PCDH17: variants seen among roughly 807,000 people sequenced by gnomAD.
PCDH17 encodes protocadherin-17.
A neutral mutation model predicts 67.7 loss-of-function variants in PCDH17; 21 were observed. The ratio of observed to expected loss-of-function variants is 0.31; its 90% confidence interval spans 0.22 to 0.45. The LOEUF is 0.45. PCDH17 is among the 20% of genes least tolerant of loss of function. PCDH17 has a pLI of 1.00. For synonymous variants in PCDH17, 701 were observed against 656.7 expected, an observed-to-expected ratio of 1.07 and a Z score of -1.03; for missense variants, 1,471 against 1,564.8, an observed-to-expected ratio of 0.94 and a Z score of 1.01.
chr13:57,644,749 A>G (rs1954945658), intron 1 of PCDH17, among the ~76,000 whole-genome samples: 2 of 151,696 alleles, frequency 1.3e-5, no homozygotes, highest in South Asian at 4.1e-4. Context: ...ATCTCTAGAA[A>G]TAAAGATCCA....
intron 3 of PCDH17, among the ~76,000 whole-genome samples, chr13:57,719,598 C>A (rs376330657): frequency 2.6e-5 from 4 of 152,122 alleles, no homozygotes; most frequent in African/African-American, 9.6e-5. Flanking sequence ...TTTATGCTCT[C>A]TAAAATTTCC....
chr13:57,638,040 A>C (rs1011760477), intron 1 of PCDH17, among the ~76,000 whole-genome samples: 6 of 152,198 alleles, frequency 3.9e-5, no homozygotes, highest in African/African-American at 1.4e-4. Context: ...TTTAAACAAT[A>C]GATTAGCAAC....
rs151242806 is a variant in PCDH17 at position 57,634,136 on chromosome 13, G to C, written c.1590G>C (p.Thr530=). 2.0e-3 allele frequency: 3,221 copies of C among 1,613,620 alleles called. 51 individuals carry two copies. Among genetic ancestry groups the C allele is most frequent in the East Asian group, 1.1e-3 (48 of 44,816 alleles). The change falls in exon 1 of 4, where the codon ACG becomes ACC. Residue 530 remains threonine, a synonymous_variant. Coordinates refer to ENST00000377918, the MANE Select transcript of PCDH17 (RefSeq NM_001040429.3). The surrounding 1 kb of genome is among the most constrained non-coding windows in gnomAD (Gnocchi z 7.8). ...ACACCTATGTGTCTGTGAATCCCAC[G>C]AACGGGGCCATCTACGCCCTGCGCT... is the stretch of plus-strand genomic sequence containing the variant. ...SIYTYVSVNP[T]NGAIYALRSF...
At chr13:57,664,535 G>A (rs1955226026) in intron 1 of PCDH17, among the ~76,000 whole-genome samples, 2 of 152,074 alleles carry the variant, frequency 1.3e-5, no homozygotes, top group Non-Finnish European at 2.9e-5. Context: ...TAAACGAATA[G>A]GGATCCACAT....
intron 3 of PCDH17, among the ~76,000 whole-genome samples, chr13:57,714,682 T>A (rs1955803139): frequency 6.6e-6 from 1 of 151,738 alleles, no homozygotes; most frequent in Admixed American, 6.6e-5. Flanking sequence ...GGTTTCTCAC[T>A]GCATATAAAT....
chr13:57,688,488 T>C (rs1333374442), intron 3 of PCDH17, among the ~76,000 whole-genome samples: 1 of 152,050 alleles, frequency 6.6e-6, no homozygotes, highest in Non-Finnish European at 1.5e-5. Context: ...TTAATGGCTA[T>C]TTTCATTAAA....
intron 3 of PCDH17, among the ~76,000 whole-genome samples, chr13:57,701,483 C>G (rs1955662365): frequency 6.6e-6 from 1 of 151,990 alleles, no homozygotes; most frequent in Admixed American, 6.6e-5. Flanking sequence ...TACTTGTGGG[C>G]CTTCCAACAA....
At chr13:57,675,756 T>G (rs1339282402) in intron 3 of PCDH17, among the ~76,000 whole-genome samples, 1 of 151,908 alleles carries the variant, frequency 6.6e-6, no homozygotes, top group Non-Finnish European at 1.5e-5. Context: ...GGAAGCCCAG[T>G]GATGCAAAGC....
chr13:57,713,993 C>T (rs1240951924), intron 3 of PCDH17, among the ~76,000 whole-genome samples: 1 of 151,562 alleles, frequency 6.6e-6, no homozygotes, highest in Non-Finnish European at 1.5e-5. Context: ...ACAAAGGAAA[C>T]TTTAGACCTA....
chr13:57,682,893 T>C (rs61961870), intron 3 of PCDH17, among the ~76,000 whole-genome samples: 7,748 of 151,970 alleles, frequency 0.051, 258 homozygotes, highest in Middle Eastern at 0.095. Context: ...TTAAAGTCAG[T>C]AGCAGATACA....
chr13:57,675,065 A>G (rs960298903), intron 3 of PCDH17, among the ~76,000 whole-genome samples: 1 of 151,918 alleles, frequency 6.6e-6, no homozygotes, highest in Non-Finnish European at 1.5e-5. Flanking sequence ...CCAAATAGGC[A>G]CATCATATCT....
At chr13:57,693,111 T>C (rs1955573895) in intron 3 of PCDH17, among the ~76,000 whole-genome samples, 1 of 150,464 alleles carries the variant, frequency 6.6e-6, no homozygotes. Flanking sequence ...GATATGCCTG[T>C]TGTCAAGATT....
intron 1 of PCDH17, among the ~76,000 whole-genome samples, chr13:57,657,474 G>A (rs1955120826): frequency 6.6e-6 from 1 of 152,178 alleles, no homozygotes; most frequent in Non-Finnish European, 1.5e-5. Context: ...ATAACTTTAT[G>A]AGTGGTGGCT....
chr13:57,705,868 A>T (rs997385604), intron 3 of PCDH17, among the ~76,000 whole-genome samples: 2 of 152,028 alleles, frequency 1.3e-5, no homozygotes, highest in African/African-American at 4.8e-5. Context: ...ATACAAAATT[A>T]GCTGGGTGTG....
Position 57,640,630 on chromosome 13 carries a change from G to T in PCDH17, c.2565+5519G>T, listed in dbSNP as rs74805662. Among the ~76,000 whole-genome samples the T allele has an allele frequency of 1.6e-4, 25 of 152,106 alleles. No individual in the cohort carries two copies. The East Asian group carries it at 4.2e-3, about 26-fold the overall frequency. On this transcript the variant is annotated intron_variant, in intron 1 of 3. Coordinates refer to ENST00000377918, the MANE Select transcript of PCDH17 (RefSeq NM_001040429.3). ...CTAGAGCGGGGGGACTTAACACGTG[G>T]CCTTCAGTGGGCAATAGGTTGAAGC...
chr13:57,689,831 C>T (rs1269275138), intron 3 of PCDH17, among the ~76,000 whole-genome samples: 1 of 151,672 alleles, frequency 6.6e-6, no homozygotes, highest in Non-Finnish European at 1.5e-5. Flanking sequence ...TACCTCTATT[C>T]TGGGAAAAAA....
intron 3 of PCDH17, among the ~76,000 whole-genome samples, chr13:57,693,202 G>A (rs1206648293): frequency 1.5e-4 from 8 of 54,356 alleles, no homozygotes; most frequent in Non-Finnish European, 2.4e-4. Context: ...ACACCTGAAT[G>A]CAGACCAACA....
chr13:57,687,930 A>G (rs1257607194), intron 3 of PCDH17, among the ~76,000 whole-genome samples: 3 of 152,024 alleles, frequency 2.0e-5, no homozygotes, highest in African/African-American at 4.8e-5. Flanking sequence ...AAACATTTTC[A>G]GGATAGTTGG....
chr13:57,681,870 G>A lies in PCDH17; in HGVS notation c.2797+15037G>A, dbSNP rs532652331. 2.0e-4 allele frequency among the ~76,000 whole-genome samples: 31 copies of A among 151,806 alleles called. No individual in the cohort carries two copies. In the South Asian group the frequency reaches 2.9e-3, roughly 14 times the overall value. On this transcript the variant is annotated intron_variant, in intron 3 of 3. Coordinates refer to ENST00000377918, the MANE Select transcript of PCDH17 (RefSeq NM_001040429.3). ...GTATTTATTAAGTGCTAGCATGAGT[G>A]TTATGTTTAGAACTATCTCAGACTC...
Sources: gnomAD v4.1 joint callset for allele counts (sites outside exome capture counted in the v4.1 genomes callset) on GRCh38, gnomAD v4.1.1 for gene constraint, Gnocchi (gnomAD v3.1) non-coding constraint, MANE v1.5 for transcripts, NCBI Gene and HGNC (gene_info 2026-07-23, HGNC 2026-07-21) for gene names.